The following GRM4 variants were observed in gnomAD, a reference collection of about 807,000 sequenced individuals.
The protein encoded by GRM4 is glutamate metabotropic receptor 4, also known as metabotropic glutamate receptor 4.
Under a neutral mutation model 81.7 loss-of-function variants are expected in GRM4, and 28 were observed. That is an observed-to-expected ratio of 0.34 (90% CI 0.25 to 0.47). The LOEUF is 0.47. GRM4 is among the 20% of genes least tolerant of loss of function. GRM4 has a pLI of 1.00. For synonymous variants in GRM4, 488 were observed against 528.8 expected (o/e 0.92, Z 1.06); for missense variants, 948 against 1,290.0 (o/e 0.73, Z 4.06).
At chr6:34,044,285 CACATAGACATACAT>C (rs1267579737) in intron 6 of GRM4, among the ~76,000 whole-genome samples, 172 of 151,232 alleles carry the variant, frequency 1.1e-3, no homozygotes, top group East Asian at 2.4e-3. Context: ...CATACACACA[CACATAGACATACAT>C]ACATACACAT....
intron 2 of GRM4, chr6:34,102,093 G>A: frequency 6.5e-7 from 1 of 1,535,588 alleles, no homozygotes; most frequent in Non-Finnish European, 8.7e-7. Flanking sequence ...CCATCATGGG[G>A]AAATAGCTTG....
intron 3 of GRM4, among the ~76,000 whole-genome samples, chr6:34,087,684 G>A (rs1348292907): frequency 7.2e-6 from 1 of 139,686 alleles, no homozygotes; most frequent in Non-Finnish European, 1.5e-5. Flanking sequence ...ACACGTGCCC[G>A]CACACACACA....
chr6:34,057,976 C>T (rs772444176), intron 5 of GRM4, among the ~76,000 whole-genome samples: 13 of 151,940 alleles, frequency 8.6e-5, no homozygotes, highest in African/African-American at 2.2e-4. Context: ...TGGGTGGAGG[C>T]GTGTTGAATG....
chr6:34,050,149 G>T (rs1046206791), intron 6 of GRM4, among the ~76,000 whole-genome samples: 3 of 152,138 alleles, frequency 2.0e-5, no homozygotes, highest in African/African-American at 7.2e-5. Flanking sequence ...TGCTCCCCCA[G>T]GCTTGCCAGG....
At chr6:34,051,539 C>G (rs1375774158) in intron 6 of GRM4, among the ~76,000 whole-genome samples, 2 of 152,122 alleles carry the variant, frequency 1.3e-5, no homozygotes, top group South Asian at 2.1e-4. Context: ...TCCGCTCAGC[C>G]GTCACCTGGC....
At chr6:34,127,272 C>T (rs746380215) in intron 2 of GRM4, among the ~76,000 whole-genome samples, 1 of 152,152 alleles carries the variant, frequency 6.6e-6, no homozygotes, top group Non-Finnish European at 1.5e-5. Flanking sequence ...GAAGAGAGGC[C>T]ATTTAAGCTC....
intron 2 of GRM4, among the ~76,000 whole-genome samples, chr6:34,123,756 G>C (rs539940134): frequency 6.6e-6 from 1 of 152,324 alleles, no homozygotes; most frequent in South Asian, 2.1e-4. Flanking sequence ...GCTTTCCCAG[G>C]CAACAAATGG....
rs1763901343 is a variant in GRM4, at chr6:34,022,099, G to A, written c.*722C>T. The A allele has an allele frequency of 6.5e-6, 1 of 153,890 alleles. No individual in the cohort carries two copies. Among genetic ancestry groups the A allele is most frequent in the African/African-American group, 2.4e-5 (1 of 41,458 alleles). 9.5% of individuals were successfully genotyped at this position (153,890 alleles called of 1,614,324 possible). ...CAGGGACACACACAGAGGCCACCAG[G>A]AGGACGCAGCACTTGGCAACACACT... On this transcript the variant is annotated 3_prime_UTR_variant, in exon 11 of 11. Coordinates refer to ENST00000538487, the MANE Select transcript of GRM4 (RefSeq NM_000841.4). The surrounding 1 kb of genome is among the most constrained non-coding windows in gnomAD (Gnocchi z 5.6).
chr6:34,150,229 T>C (rs974998290), upstream of GRM4, among the ~76,000 whole-genome samples: 1 of 152,146 alleles, frequency 6.6e-6, no homozygotes, highest in African/African-American at 2.4e-5. Flanking sequence ...CCAAGCAGGC[T>C]AAGAGCAGAG....
chr6:34,044,873 C>T (rs1389016169), intron 6 of GRM4, among the ~76,000 whole-genome samples: 1 of 150,666 alleles, frequency 6.6e-6, no homozygotes, highest in Non-Finnish European at 1.5e-5. Context: ...GACATACATA[C>T]ACATATATAC....
At chr6:34,119,984 G>A (rs930136076) in intron 2 of GRM4, among the ~76,000 whole-genome samples, 9 of 152,226 alleles carry the variant, frequency 5.9e-5, no homozygotes, top group Non-Finnish European at 1.0e-4. Flanking sequence ...CTGGAAGGGT[G>A]CGCAGGGAAT....
At position 34,022,910 on chromosome 6, in the gene GRM4, C is replaced by T. The variant is rs942016430; in HGVS notation, c.2690-40G>A. On this transcript the variant is annotated intron_variant, in intron 10 of 10. Transcript: ENST00000538487. The surrounding 1 kb of genome is among the most constrained non-coding windows in gnomAD (Gnocchi z 5.6). ...ACCAGGGGTACCCAGGAGTCAGGGG[C>T]TGCTTTTCTCAAACTGTCCTTCCAC... 6 of 1,541,134 alleles carry T rather than the reference C, an allele frequency of 3.9e-6. No homozygotes were observed. The highest frequency in any genetic ancestry group is 5.4e-6 in the Non-Finnish European group (6 of 1,113,600).
intron 6 of GRM4, among the ~76,000 whole-genome samples, chr6:34,046,453 T>G (rs13196571): frequency 0.014 from 2,072 of 152,220 alleles, 27 homozygotes; most frequent in Middle Eastern, 0.041. Context: ...GTTTTATTGG[T>G]GGGTGATGCC....
intron 2 of GRM4, among the ~76,000 whole-genome samples, chr6:34,122,833 A>G (rs9469718): frequency 0.085 from 12,878 of 152,228 alleles, 906 homozygotes; most frequent in African/African-American, 0.2. Context: ...CAAGAAACTC[A>G]GAACTGTGGG....
rs1769491893 is a variant in GRM4, at chr6:34,114,130, A to G, written c.519+18848T>C. Among the ~76,000 whole-genome samples, 1 of 149,994 alleles carries G rather than the reference A, an allele frequency of 6.7e-6. No homozygotes were observed. The highest frequency in any genetic ancestry group is 6.6e-5 in the Admixed American group (1 of 15,112). Reference sequence around the variant, plus strand: ...ACAAGAGCCCTTCCCCTCCTTCACAACTCTCTAGCCCCTGGCCCTGGGCAG... The same window carrying G: ...ACAAGAGCCCTTCCCCTCCTTCACAGCTCTCTAGCCCCTGGCCCTGGGCAG... On this transcript the variant is annotated intron_variant, in intron 2 of 10. Coordinates refer to ENST00000538487, the MANE Select transcript of GRM4 (RefSeq NM_000841.4). The surrounding 1 kb of genome is among the most constrained non-coding windows in gnomAD (Gnocchi z 4.3).
At chr6:34,032,519 A>G (rs910046859) in intron 9 of GRM4, among the ~76,000 whole-genome samples, 9 of 151,996 alleles carry the variant, frequency 5.9e-5, no homozygotes, top group South Asian at 2.1e-4. Flanking sequence ...CATGTCCTCC[A>G]CCGCCTCCCG....
In GRM4 at chr6:34,090,515, A is replaced by G. The variant is rs1768144212; in HGVS notation, c.736+1368T>C. Among the ~76,000 whole-genome samples, 1 of 151,932 alleles carries G rather than the reference A, an allele frequency of 6.6e-6. No homozygotes were observed. Among genetic ancestry groups the G allele is most frequent in the African/African-American group, 2.4e-5 (1 of 41,350 alleles). On this transcript the variant is annotated intron_variant, in intron 3 of 10. Coordinates refer to ENST00000538487, the MANE Select transcript of GRM4 (RefSeq NM_000841.4). The surrounding 1 kb of genome is among the most constrained non-coding windows in gnomAD (Gnocchi z 5.2). ...CTGTCCGCCAGGGTTCCCAGGTGCT[A>G]TTGCCAGCCCATCTGGAGCTGGGAG...
chr6:34,129,313 C>T (rs1230305748), intron 2 of GRM4, among the ~76,000 whole-genome samples: 1 of 152,184 alleles, frequency 6.6e-6, no homozygotes, highest in African/African-American at 2.4e-5. Flanking sequence ...CTGCGCCAGC[C>T]ACAGAAAGGT....
At chr6:34,040,345 C>T in intron 7 of GRM4, 31 bp from the exon 8 acceptor site, 2 of 1,609,606 alleles carry the variant, frequency 1.2e-6, no homozygotes, top group Non-Finnish European at 1.7e-6. Flanking sequence ...CTTTGCAGAG[C>T]CTTTACCCAG....
Sources: gnomAD v4.1 joint callset for allele counts (sites outside exome capture counted in the v4.1 genomes callset) on GRCh38, gnomAD v4.1.1 for gene constraint, Gnocchi (gnomAD v3.1) non-coding constraint, MANE v1.5 for transcripts, NCBI Gene and HGNC (gene_info 2026-07-23, HGNC 2026-07-21) for gene names.